The following TRIM49 variants were observed in gnomAD, a reference collection of about 807,000 sequenced individuals.
The protein encoded by TRIM49 is tripartite motif-containing protein 49.
TRIM49 carries 5 observed loss-of-function variants against 27.4 expected under a neutral mutation model. That is an observed-to-expected ratio of 0.18 (90% CI 0.10 to 0.38). The LOEUF (loss-of-function observed/expected upper bound fraction) is 0.38, where lower values mean the gene tolerates loss of function less well. Among genes scored for constraint, TRIM49 ranks in the 10% least tolerant of loss-of-function variants. The probability of loss-of-function intolerance (pLI) is 1.00; values close to 1 mark genes in which losing one functional copy is unlikely to be tolerated. For synonymous variants in TRIM49, 69 were observed against 166.0 expected (o/e 0.42, Z 4.49); for missense variants, 188 against 487.5 (o/e 0.39, Z 5.79).
At chr11:89,769,603 G>A in the TRIM49 span, among the ~76,000 whole-genome samples, 3 of 128,304 alleles carry the variant, frequency 2.3e-5, 1 homozygote, top group East Asian at 2.2e-4. Flanking sequence ...AGCTGGATGA[G>A]AGATAGAGCA....
downstream of TRIM49, among the ~76,000 whole-genome samples, chr11:89,793,990 C>T (rs867211820): frequency 6.1e-3 from 898 of 147,460 alleles, 2 homozygotes; most frequent in African/African-American, 0.02. Flanking sequence ...TAGAAAACCC[C>T]ATCGTCTCAG....
the TRIM49 span, among the ~76,000 whole-genome samples, chr11:89,770,728 T>A: frequency 7.1e-6 from 1 of 139,988 alleles, no homozygotes; most frequent in Admixed American, 7.0e-5. Context: ...TAGCTGGGCG[T>A]GGTGGCGAGC....
downstream of TRIM49, among the ~76,000 whole-genome samples, chr11:89,793,108 T>C (rs376135914): frequency 1.3e-5 from 2 of 152,156 alleles, no homozygotes; most frequent in East Asian, 1.9e-4. Flanking sequence ...CAGTGAATAC[T>C]ATAAACACCT....
downstream of TRIM49, among the ~76,000 whole-genome samples, chr11:89,796,088 C>T (rs1339784967): frequency 6.6e-6 from 1 of 151,628 alleles, no homozygotes; most frequent in Non-Finnish European, 1.5e-5. Context: ...AATAAAAATA[C>T]TTTAAACTTA....
chr11:89,798,760 G>T, intron 7 of TRIM49, 131 bp from the exon 8 acceptor site: 8 of 1,259,940 alleles, frequency 6.3e-6, no homozygotes, highest in Non-Finnish European at 8.1e-6. Context: ...TTCTAGTAAA[G>T]TATAGAGATG....
At chr11:89,808,392 G>T (rs1371477504) in intron 1 of TRIM49, 45 bp downstream of exon 1, 1 of 150,110 alleles carries the variant, frequency 6.7e-6, no homozygotes, top group Admixed American at 6.6e-5. Context: ...TATATGTATA[G>T]TTAGGGAGAT....
the TRIM49 span, among the ~76,000 whole-genome samples, chr11:89,767,610 A>G: frequency 8.1e-6 from 1 of 122,832 alleles, no homozygotes; most frequent in Non-Finnish European, 1.5e-5. Flanking sequence ...TCAGGCACAG[A>G]CTTCTTTTAT....
At chr11:89,802,487 G>A (rs1454492668) in intron 4 of TRIM49, among the ~76,000 whole-genome samples, 2 of 150,750 alleles carry the variant, frequency 1.3e-5, no homozygotes, top group Admixed American at 1.3e-4. Context: ...CTTCTTTGTG[G>A]TTCTTCCGGC....
At chr11:89,800,028 T>A (rs907915614) in intron 6 of TRIM49, among the ~76,000 whole-genome samples, 5 of 132,270 alleles carry the variant, frequency 3.8e-5, no homozygotes, top group Non-Finnish European at 8.1e-5. Context: ...ATCCTTCTTT[T>A]TTTTTTTTTT....
chr11:89,768,191 C>G, the TRIM49 span: 17 of 1,357,536 alleles, frequency 1.3e-5, 3 homozygotes, highest in South Asian at 1.9e-4. Flanking sequence ...ACACTCACCT[C>G]GGAAGTGGTT....
the TRIM49 span, chr11:89,766,755 G>A: frequency 5.1e-5 from 74 of 1,438,398 alleles, 2 homozygotes; most frequent in Non-Finnish European, 6.3e-5. Context: ...TACATAGTGA[G>A]GAAACATTGG....
At chr11:89,768,100 A>G in the TRIM49 span, 1 of 714,586 alleles carries the variant, frequency 1.4e-6, no homozygotes, top group South Asian at 1.6e-5. Context: ...CTTGTTCTAG[A>G]TGAAAAATCG....
chr11:89,768,945 A>C, the TRIM49 span: 1 of 437,606 alleles, frequency 2.3e-6, no homozygotes, highest in Non-Finnish European at 4.5e-6. Context: ...TTGGGAGGCC[A>C]AGGTGGGTGG....
the TRIM49 span, chr11:89,768,864 GA>G: frequency 1.7e-3 from 819 of 490,754 alleles, no homozygotes; most frequent in South Asian, 2.2e-3. Context: ...GAGAGAGAGA[GA>G]GAAAACGACT....
chr11:89,796,817 C>T (rs1377307899), downstream of TRIM49, among the ~76,000 whole-genome samples: 152 of 152,070 alleles, frequency 1.0e-3, no homozygotes, highest in Admixed American at 2.5e-3. Flanking sequence ...AGCTATTCTA[C>T]GGTTGAAGAA....
At chr11:89,791,201 G>T in the TRIM49 span, among the ~76,000 whole-genome samples, 1 of 151,632 alleles carries the variant, frequency 6.6e-6, no homozygotes, top group South Asian at 2.1e-4. Flanking sequence ...AGAGAGAAAA[G>T]AGTAAAAAGA....
the TRIM49 span, among the ~76,000 whole-genome samples, chr11:89,773,048 A>G: frequency 3.7e-5 from 5 of 136,718 alleles, 1 homozygote; most frequent in Non-Finnish European, 1.5e-5. Context: ...AAAATTAGCC[A>G]GTCATGGTGG....
At chr11:89,768,327 T>A in the TRIM49 span, 1 of 1,362,020 alleles carries the variant, frequency 7.3e-7, no homozygotes, top group African/African-American at 2.0e-5. Context: ...TTCTGATGTT[T>A]GTGTTTAAGA....
downstream of TRIM49, among the ~76,000 whole-genome samples, chr11:89,794,564 A>G (rs1263106560): frequency 6.6e-6 from 1 of 150,378 alleles, no homozygotes; most frequent in Non-Finnish European, 1.5e-5. Context: ...AATAGAACAG[A>G]GCCCTCAGAA....
Sources: allele counts gnomAD v4.1 joint callset (sites outside exome capture counted in the v4.1 genomes callset), GRCh38; gene constraint gnomAD v4.1.1; transcripts MANE v1.5; gene names NCBI Gene and HGNC (gene_info 2026-07-23, HGNC 2026-07-21).